Variants in KLRG2 observed in about 807,000 individuals in gnomAD.
KLRG2 encodes the protein killer cell lectin-like receptor subfamily G member 2.
A neutral mutation model predicts 35.4 loss-of-function variants in KLRG2; 39 were observed. That is an observed-to-expected ratio of 1.10 (90% CI 0.85 to 1.44). KLRG2 has a LOEUF of 1.44. KLRG2 is among the 40% of genes most tolerant of loss of function. KLRG2 has a pLI of 0.00. For missense variants in KLRG2, 632 were observed against 570.9 expected (o/e 1.11, Z -1.09); for synonymous variants, 283 against 265.8 (o/e 1.06, Z -0.63).
At chr7:139,432,572 G>A in the KLRG2 span, among the ~76,000 whole-genome samples, 1 of 133,772 alleles carries the variant, frequency 7.5e-6, no homozygotes, top group South Asian at 2.4e-4. Context: ...TTTTTTTTGA[G>A]ACGGAATCTA....
At chr7:139,453,736 G>C (rs779123108) in intron 4 of KLRG2, 29 bp from the exon 5 acceptor site, 6 of 1,613,338 alleles carry the variant, frequency 3.7e-6, no homozygotes, top group Non-Finnish European at 5.1e-6. Context: ...GGAAAGAGGA[G>C]AGGTGTTTAG....
downstream of KLRG2, among the ~76,000 whole-genome samples, chr7:139,450,378 C>T (rs1184635313): frequency 2.0e-5 from 3 of 152,116 alleles, no homozygotes; most frequent in Non-Finnish European, 2.9e-5. Context: ...CGCCTGCCAC[C>T]ACGCCCGGCT....
At chr7:139,431,632 C>G in the KLRG2 span, among the ~76,000 whole-genome samples, 1 of 152,146 alleles carries the variant, frequency 6.6e-6, no homozygotes, top group Non-Finnish European at 1.5e-5. Flanking sequence ...TGAGTCAGAG[C>G]CCGGCCTCAA....
chr7:139,476,547 C>T (rs1268864932), intron 3 of KLRG2, among the ~76,000 whole-genome samples: 1 of 152,040 alleles, frequency 6.6e-6, no homozygotes, highest in African/African-American at 2.4e-5. Context: ...TCAAGCGATT[C>T]CCATGCCTCA....
the KLRG2 span, among the ~76,000 whole-genome samples, chr7:139,442,232 A>G: frequency 6.6e-6 from 1 of 152,168 alleles, no homozygotes; most frequent in Non-Finnish European, 1.5e-5. Context: ...CCTTGTTTGA[A>G]GGAAGGAATC....
At chr7:139,441,754 C>G in the KLRG2 span, among the ~76,000 whole-genome samples, 1 of 152,088 alleles carries the variant, frequency 6.6e-6, no homozygotes, top group African/African-American at 2.4e-5. Flanking sequence ...GCCCAGGCAA[C>G]AGAGCAAAAA....
At chr7:139,478,138 G>A (rs1024657986) in intron 3 of KLRG2, among the ~76,000 whole-genome samples, 1 of 151,590 alleles carries the variant, frequency 6.6e-6, no homozygotes, top group Non-Finnish European at 1.5e-5. Flanking sequence ...AGAGGCCGAA[G>A]TGGGAGGATC....
chr7:139,441,624 T>A, the KLRG2 span, among the ~76,000 whole-genome samples: 1 of 151,308 alleles, frequency 6.6e-6, no homozygotes, highest in Non-Finnish European at 1.5e-5. Context: ...AAAAAAAAAA[T>A]AGCTGGGCAT....
chr7:139,445,421 T>C, the KLRG2 span, among the ~76,000 whole-genome samples: 1 of 152,118 alleles, frequency 6.6e-6, no homozygotes, highest in African/African-American at 2.4e-5. Flanking sequence ...AGACAAATCC[T>C]GTCCTCGCGG....
chr7:139,431,420 C>CTTT, the KLRG2 span, among the ~76,000 whole-genome samples: 2 of 148,456 alleles, frequency 1.3e-5, no homozygotes, highest in African/African-American at 4.9e-5. Context: ...AATATATACA[C>CTTT]TTTTTTTTTT....
At chr7:139,438,659 T>C in the KLRG2 span, among the ~76,000 whole-genome samples, 16 of 149,394 alleles carry the variant, frequency 1.1e-4, no homozygotes, top group Non-Finnish European at 2.1e-4. Context: ...TACACCTTCT[T>C]TGGGAAACAT....
chr7:139,483,130 G>A lies in KLRG2; in HGVS notation c.513C>T (p.Leu171=). 4.0e-6 allele frequency: 6 copies of A among 1,485,076 alleles called. No homozygotes were observed. The highest frequency in any genetic ancestry group is 5.3e-6 in the Non-Finnish European group (6 of 1,125,512). 92.0% of individuals were successfully genotyped at this position (1,485,076 alleles called of 1,614,324 possible). ...FSRHADPAHQ[L]LLRAPSQGGT... ...CGCCCTGGGATGGTGCGCGCAGCAG[G>A]AGCTGGTGCGCCGGGTCCGCGTGGC... The change falls in exon 1 of 5, where the codon CTC becomes CTT. Residue 171 remains leucine (L), a synonymous_variant. Transcript: ENST00000340940.
the KLRG2 span, among the ~76,000 whole-genome samples, chr7:139,434,225 C>T: frequency 3.3e-5 from 5 of 152,208 alleles, no homozygotes; most frequent in East Asian, 5.8e-4. Flanking sequence ...TAGGGCTCCG[C>T]GTCTAAATAT....
chr7:139,469,594 G>A (rs1444282146), intron 3 of KLRG2, among the ~76,000 whole-genome samples: 2 of 151,556 alleles, frequency 1.3e-5, no homozygotes, highest in South Asian at 2.1e-4. Flanking sequence ...ACAGGCATGC[G>A]TCACCATGTC....
the KLRG2 span, among the ~76,000 whole-genome samples, chr7:139,429,975 C>T: frequency 1.3e-5 from 2 of 151,736 alleles, no homozygotes; most frequent in Admixed American, 6.6e-5. Context: ...TGACCCCCCC[C>T]ATATGGGTGT....
At chr7:139,439,794 G>A in the KLRG2 span, among the ~76,000 whole-genome samples, 3 of 152,120 alleles carry the variant, frequency 2.0e-5, no homozygotes, top group Non-Finnish European at 4.4e-5. Flanking sequence ...CAGGACTATC[G>A]TAACAAAGTA....
chr7:139,432,028 T>C, the KLRG2 span, among the ~76,000 whole-genome samples: 1 of 145,098 alleles, frequency 6.9e-6, no homozygotes, highest in East Asian at 2.0e-4. Flanking sequence ...GTGGAGATGG[T>C]TTTAAGTTTG....
At chr7:139,445,767 G>GTATATATATATGTGTGTATATATATA in the KLRG2 span, among the ~76,000 whole-genome samples, 2 of 89,634 alleles carry the variant, frequency 2.2e-5, no homozygotes, top group African/African-American at 2.0e-4. Flanking sequence ...ATATGTGTAT[G>GTATATATATATGTGTGTATATATATA]TATATATATA....
At chr7:139,431,154 G>A in the KLRG2 span, among the ~76,000 whole-genome samples, 36 of 152,122 alleles carry the variant, frequency 2.4e-4, no homozygotes, top group Middle Eastern at 6.8e-3. Flanking sequence ...ACACAAAAGA[G>A]TACACATACT....
Sources: gnomAD v4.1 joint callset for allele counts (sites outside exome capture counted in the v4.1 genomes callset) on GRCh38, gnomAD v4.1.1 for gene constraint, MANE v1.5 for transcripts, NCBI Gene and HGNC (gene_info 2026-07-23, HGNC 2026-07-21) for gene names.